The following CPT1A variants were observed in gnomAD, a reference collection of about 807,000 sequenced individuals.
CPT1A encodes carnitine O-palmitoyltransferase 1, liver isoform.
A neutral mutation model predicts 100.8 loss-of-function variants in CPT1A; 64 were observed. The observed-to-expected ratio is 0.63, with a 90% CI of 0.52 to 0.78. The LOEUF is 0.78. Among genes scored for constraint, CPT1A ranks in the 30% least tolerant of loss-of-function variants. CPT1A has a pLI of 0.00. For missense variants in CPT1A, 802 were observed against 1,034.1 expected, an observed-to-expected ratio of 0.78 and a Z score of 3.08; for synonymous variants, 363 against 396.0, an observed-to-expected ratio of 0.92 and a Z score of 0.99.
chr11:68,828,120 TG>T lies in CPT1A; in HGVS notation c.-13-12634del, dbSNP rs567464806. ...TTCCTTATGCCTGCCCTGCCCTGCC[TG>T]CTCTACCAAAGTTCCAGCTCCTTCT... On this transcript the variant is annotated intron_variant, in intron 1 of 18. Transcript: ENST00000265641. 1.4e-4 allele frequency among the ~76,000 whole-genome samples: 22 copies of T among 152,328 alleles called. No individual in the cohort carries two copies. In the South Asian group the frequency reaches 4.6e-3, roughly 32 times the overall value.
chr11:68,788,108 G>T (rs1041024613), intron 9 of CPT1A, among the ~76,000 whole-genome samples: 1 of 152,098 alleles, frequency 6.6e-6, no homozygotes, highest in African/African-American at 2.4e-5. Context: ...TGAGAAAATC[G>T]CTGTCTTGCT....
chr11:68,785,831 C>T (rs752222274), intron 9 of CPT1A: 25 of 550,872 alleles, frequency 4.5e-5, no homozygotes, highest in Non-Finnish European at 7.4e-5. Context: ...TCTGAGAACC[C>T]GAGAAATGTT....
intron 4 of CPT1A, among the ~76,000 whole-genome samples, chr11:68,806,602 T>C (rs1856053626): frequency 7.0e-6 from 1 of 143,234 alleles, no homozygotes; most frequent in African/African-American, 2.6e-5. Flanking sequence ...TACTCCAGCC[T>C]GGGCAATGGA....
chr11:68,760,977 C>T (rs931581659), intron 16 of CPT1A, among the ~76,000 whole-genome samples: 28 of 151,670 alleles, frequency 1.8e-4, no homozygotes, highest in African/African-American at 6.8e-4. Context: ...GCCAAGATGG[C>T]GCCACTGCAC....
intron 14 of CPT1A, among the ~76,000 whole-genome samples, chr11:68,772,034 G>A (rs1594325630): frequency 6.6e-6 from 1 of 152,204 alleles, no homozygotes; most frequent in Non-Finnish European, 1.5e-5. Flanking sequence ...AGTGCCACAC[G>A]CTGCATATGT....
At chr11:68,805,450 C>CA (rs35857185) in intron 4 of CPT1A, among the ~76,000 whole-genome samples, 7,642 of 134,408 alleles carry the variant, frequency 0.057, 638 homozygotes, top group African/African-American at 0.19. Context: ...GATGCTGTCT[C>CA]AAAAAAAAAA....
intron 2 of CPT1A, among the ~76,000 whole-genome samples, chr11:68,814,889 G>A (rs1856340045): frequency 6.6e-6 from 1 of 151,476 alleles, no homozygotes; most frequent in African/African-American, 2.4e-5. Context: ...GTTTTGTCGT[G>A]TCACCCAGGC....
chr11:68,821,152 T>TTTTA (rs1165278163), intron 1 of CPT1A, among the ~76,000 whole-genome samples: 31 of 152,136 alleles, frequency 2.0e-4, no homozygotes, highest in African/African-American at 7.5e-4. Context: ...TGTATTTTTA[T>TTTTA]TTTATTTATT....
At chr11:68,839,568 C>G (rs1020623890) in intron 1 of CPT1A, 3 of 985,378 alleles carry the variant, frequency 3.0e-6, no homozygotes, top group African/African-American at 1.7e-5. Context: ...GTGGGAAGGT[C>G]GAGCCCTGCG....
Position 68,841,895 on chromosome 11 carries a change from C to G in CPT1A, c.-134G>C. 2 of 985,804 alleles carry G rather than the reference C, an allele frequency of 2.0e-6. No homozygotes were observed. The highest frequency in any genetic ancestry group is 2.4e-6 in the Non-Finnish European group (2 of 830,302). The allele number at this position is 985,804 out of a possible 1,614,324, so 61.1% of individuals were successfully genotyped here. ...GGGCCGCGGGCGAGGCCGAGCGCAC[C>G]CGACGCCGGCAGCAGCGGATTGGCT... On this transcript the variant is annotated 5_prime_UTR_variant, in exon 1 of 19. Coordinates refer to ENST00000265641, the MANE Select transcript of CPT1A (RefSeq NM_001876.4). The surrounding 1 kb of genome is among the most constrained non-coding windows in gnomAD (Gnocchi z 6.3).
intron 15 of CPT1A, 144 bp from the exon 16 acceptor site, chr11:68,761,831 G>C: frequency 1.1e-6 from 1 of 937,092 alleles, no homozygotes; most frequent in Admixed American, 1.9e-5. Flanking sequence ...GGGTGGTTTC[G>C]AACTCCTGAG....
intron 15 of CPT1A, 138 bp downstream of exon 15, chr11:68,762,489 G>A: frequency 9.2e-7 from 1 of 1,081,206 alleles, no homozygotes; most frequent in Admixed American, 1.9e-5. Flanking sequence ...AAGGGGCAGA[G>A]GAAAGAAGCT....
chr11:68,793,677 C>T (rs1273963861), intron 8 of CPT1A, among the ~76,000 whole-genome samples: 3 of 149,638 alleles, frequency 2.0e-5, no homozygotes, highest in African/African-American at 7.4e-5. Flanking sequence ...ACCCGGGAGG[C>T]AGAGCCTGCA....
chr11:68,836,899 G>T (rs1315903261), intron 1 of CPT1A, among the ~76,000 whole-genome samples: 1 of 152,096 alleles, frequency 6.6e-6, no homozygotes, highest in East Asian at 1.9e-4. Context: ...AAAGAAAAAG[G>T]AAAGCAAACC....
At chr11:68,842,011 G>A (rs1268488604), upstream of CPT1A, 9 of 970,504 alleles carry the variant, frequency 9.3e-6, no homozygotes, top group Non-Finnish European at 1.1e-5. Flanking sequence ...GCGTCCGCGG[G>A]GCTAGGAGGG....
intron 14 of CPT1A, among the ~76,000 whole-genome samples, chr11:68,767,646 C>T (rs1854846461): frequency 6.6e-6 from 1 of 152,014 alleles, no homozygotes; most frequent in Admixed American, 6.6e-5. Context: ...TATAATATTC[C>T]GCTGTGTGAA....
chr11:68,760,261 G>T lies in CPT1A; in HGVS notation c.2106C>A (p.Asn702Lys). ...CCCCTCCGCTGGACACGTACTCTGG[G>T]TTATTCTCCAAGTCAAACAGCTCCA... ...QQVELFDLEN[N>K]PEYVSSGGGF... The change falls in exon 17 of 19, where the codon AAC becomes AAA. Residue 702 changes from asparagine (N) to lysine (K), a missense_variant. Around this residue, in one of 4 missense-constraint regions of CPT1A, gnomAD observed 627 missense variants for 799.3 expected, o/e 0.78. Coordinates refer to ENST00000265641, the MANE Select transcript of CPT1A (RefSeq NM_001876.4). The T allele has an allele frequency of 6.2e-7, 1 of 1,612,440 alleles. No individual in the cohort carries two copies. The highest frequency in any genetic ancestry group is 8.5e-7 in the Non-Finnish European group (1 of 1,179,650).
At position 68,755,240 on chromosome 11, in the gene CPT1A, T is replaced by C. The variant is rs1198217823; in HGVS notation, c.*2404A>G. On this transcript the variant is annotated 3_prime_UTR_variant, in exon 19 of 19. Transcript: ENST00000265641. ...TACACTCAAAATGCCCTGTGAACTC[T>C]AGTGTAACACAGATTGCTCAGTGGT... 4.5e-6 allele frequency: 1 copy of C among 221,298 alleles called. No homozygotes were observed. Among genetic ancestry groups the C allele is most frequent in the Admixed American group, 5.2e-5 (1 of 19,290 alleles). The allele number at this position is 221,298 out of a possible 1,614,324, so 13.7% of individuals were successfully genotyped here.
intron 1 of CPT1A, among the ~76,000 whole-genome samples, chr11:68,828,454 T>A (rs1195709326): frequency 1.3e-5 from 2 of 152,084 alleles, no homozygotes; most frequent in Non-Finnish European, 2.9e-5. Flanking sequence ...CACTGCGTCT[T>A]CCCCTCCCCA....
Sources: allele counts gnomAD v4.1 joint callset (sites outside exome capture counted in the v4.1 genomes callset), GRCh38; gene constraint gnomAD v4.1.1; regional missense constraint gnomAD v4.1.1; non-coding constraint Gnocchi (gnomAD v3.1); transcripts MANE v1.5; gene names NCBI Gene and HGNC (gene_info 2026-07-23, HGNC 2026-07-21).